GRM8: variants seen among roughly 807,000 people sequenced by gnomAD.
GRM8 encodes metabotropic glutamate receptor 8.
GRM8 carries 47 observed loss-of-function variants against 87.2 expected under a neutral mutation model. The ratio of observed to expected loss-of-function variants is 0.54; its 90% CI spans 0.43 to 0.69. GRM8 has a LOEUF of 0.69. Among genes scored for constraint, GRM8 ranks in the 30% least tolerant of loss-of-function variants. The pLI is 0.00. For synonymous variants in GRM8, 396 were observed against 404.5 expected (o/e 0.98, Z 0.25); for missense variants, 1,019 against 1,139.2 (o/e 0.89, Z 1.52).
At chr7:127,185,172 A>C (rs1296218727) in intron 2 of GRM8, among the ~76,000 whole-genome samples, 2 of 152,112 alleles carry the variant, frequency 1.3e-5, no homozygotes, top group Non-Finnish European at 2.9e-5. Context: ...CAGTAAAGTA[A>C]GCTTGAACGA....
chr7:127,064,300 T>C (rs771256574), intron 3 of GRM8, among the ~76,000 whole-genome samples: 2 of 152,216 alleles, frequency 1.3e-5, no homozygotes, highest in Non-Finnish European at 2.9e-5. Context: ...TGAATCTGGG[T>C]GTTCCTGTGT....
chr7:126,759,904 T>C (rs1370015766), intron 7 of GRM8, among the ~76,000 whole-genome samples: 4 of 152,210 alleles, frequency 2.6e-5, no homozygotes, highest in African/African-American at 7.2e-5. Flanking sequence ...CAAAAATGTA[T>C]AGAGGTTTTG....
chr7:126,514,141 T>C (rs1271551404), intron 9 of GRM8, among the ~76,000 whole-genome samples: 1 of 152,140 alleles, frequency 6.6e-6, no homozygotes, highest in East Asian at 1.9e-4. Context: ...CCTATGGAGA[T>C]GAGCATTTAG....
At chr7:127,169,947 G>A (rs1304914321) in intron 2 of GRM8, among the ~76,000 whole-genome samples, 1 of 152,206 alleles carries the variant, frequency 6.6e-6, no homozygotes, top group East Asian at 1.9e-4. Flanking sequence ...GAGCTCTGAA[G>A]GAGATATACA....
At chr7:126,946,888 G>T (rs575861343) in intron 3 of GRM8, among the ~76,000 whole-genome samples, 4 of 152,320 alleles carry the variant, frequency 2.6e-5, no homozygotes, top group Non-Finnish European at 5.9e-5. Flanking sequence ...GTGACCTGCT[G>T]ATTCATACCT....
chr7:126,832,900 T>C (rs371868385), intron 6 of GRM8, among the ~76,000 whole-genome samples: 44 of 152,336 alleles, frequency 2.9e-4, no homozygotes, highest in Admixed American at 1.4e-3. Flanking sequence ...TAACATGCTG[T>C]TTTAATTTCA....
At chr7:127,033,580 A>G (rs1261510503) in intron 3 of GRM8, among the ~76,000 whole-genome samples, 2 of 152,162 alleles carry the variant, frequency 1.3e-5, no homozygotes, top group Non-Finnish European at 2.9e-5. Context: ...AGTTTGCTCA[A>G]AGTTATAGAA....
intron 3 of GRM8, among the ~76,000 whole-genome samples, chr7:126,978,704 T>C (rs1811243811): frequency 6.6e-6 from 1 of 152,216 alleles, no homozygotes; most frequent in East Asian, 1.9e-4. Context: ...AGATGATCTT[T>C]GAAAGTCCCT....
intron 3 of GRM8, among the ~76,000 whole-genome samples, chr7:127,073,135 C>T (rs868022391): frequency 6.6e-6 from 1 of 152,130 alleles, no homozygotes; most frequent in Non-Finnish European, 1.5e-5. Flanking sequence ...AAACACCACC[C>T]GATTCCAGCC....
At chr7:126,615,567 G>C (rs1405077149) in intron 7 of GRM8, among the ~76,000 whole-genome samples, 1 of 152,128 alleles carries the variant, frequency 6.6e-6, no homozygotes. Flanking sequence ...CCAATTAAAA[G>C]ACACAGACTG....
At position 126,927,342 on chromosome 7, in the gene GRM8, G is replaced by A. The variant is rs146585839; in HGVS notation, c.728-22659C>T. Among the ~76,000 whole-genome samples, 420 of 151,754 alleles carry A rather than the reference G, an allele frequency of 2.8e-3. 3 individuals carry two copies. The highest frequency in any genetic ancestry group is 9.7e-3 in the African/African-American group (400 of 41,376). ...TTTAGAGACAAGGTCTCACTATGTCGACTAGGTTGGTTTTGAACTCCTGGC... is the reference window on the plus strand; with the variant it reads ...TTTAGAGACAAGGTCTCACTATGTCAACTAGGTTGGTTTTGAACTCCTGGC... On this transcript the variant is annotated intron_variant, in intron 3 of 10. Coordinates refer to ENST00000339582, the MANE Select transcript of GRM8 (RefSeq NM_000845.3).
intron 3 of GRM8, among the ~76,000 whole-genome samples, chr7:127,052,628 A>G (rs17867745): frequency 0.08 from 12,143 of 152,280 alleles, 526 homozygotes; most frequent in South Asian, 0.13. Context: ...TCACTAAGTG[A>G]AAGAGAATTT....
intron 9 of GRM8, among the ~76,000 whole-genome samples, chr7:126,492,621 C>A (rs1808154634): frequency 6.6e-6 from 1 of 151,994 alleles, no homozygotes. Flanking sequence ...GTCACAGTAA[C>A]TATCTGGTAA....
At position 126,716,389 on chromosome 7, in the gene GRM8, G is replaced by GA. The variant is rs559664483; in HGVS notation, c.1357+53475dup. Among the ~76,000 whole-genome samples, 622 of 140,756 alleles carry GA rather than the reference G, an allele frequency of 4.4e-3. 3 individuals are homozygous for GA. The highest frequency in any genetic ancestry group is 0.013 in the South Asian group (58 of 4,460). 92.3% of individuals were successfully genotyped at this position (140,756 alleles called of 152,430 possible). ...TTGACAGCTAAGTTATTTCTCTACA[G>GA]AAAAAAAAAAAAGTGTTGAAATTCA... On this transcript the variant is annotated intron_variant, in intron 7 of 10. Transcript: ENST00000339582.
intron 7 of GRM8, among the ~76,000 whole-genome samples, chr7:126,764,869 C>T (rs1818020325): frequency 6.6e-6 from 1 of 152,074 alleles, no homozygotes; most frequent in African/African-American, 2.4e-5. Context: ...ACAAACTCAT[C>T]CACCTAAAGA....
At chr7:126,610,324 C>G (rs147339290) in intron 7 of GRM8, among the ~76,000 whole-genome samples, 1 of 152,132 alleles carries the variant, frequency 6.6e-6, no homozygotes, top group Non-Finnish European at 1.5e-5. Context: ...TACAGACTTT[C>G]CTTTTCTCTA....
At chr7:126,468,688 T>C (rs1804797981) in intron 9 of GRM8, among the ~76,000 whole-genome samples, 4 of 152,100 alleles carry the variant, frequency 2.6e-5, no homozygotes. Flanking sequence ...AAAAGAAAGT[T>C]CCAACCTGCT....
intron 2 of GRM8, among the ~76,000 whole-genome samples, chr7:127,227,147 CTG>C (rs1251058019): frequency 6.6e-6 from 1 of 152,194 alleles, no homozygotes; most frequent in Non-Finnish European, 1.5e-5. Flanking sequence ...GAGGCGGACT[CTG>C]TAGTGATGGG....
intron 7 of GRM8, among the ~76,000 whole-genome samples, chr7:126,667,625 G>A (rs1805910193): frequency 6.6e-6 from 1 of 152,228 alleles, no homozygotes; most frequent in Non-Finnish European, 1.5e-5. Flanking sequence ...GAAGGTGGAA[G>A]GGAAGCACAA....
Sources: allele counts gnomAD v4.1 joint callset (sites outside exome capture counted in the v4.1 genomes callset), GRCh38; gene constraint gnomAD v4.1.1; transcripts MANE v1.5; gene names NCBI Gene and HGNC (gene_info 2026-07-23, HGNC 2026-07-21).